CYLD: variants seen among roughly 807,000 people sequenced by gnomAD.
CYLD encodes the protein ubiquitin carboxyl-terminal hydrolase CYLD.
A neutral mutation model predicts 104.5 loss-of-function variants in CYLD; 26 were observed. That is an observed-to-expected ratio of 0.25 (90% CI 0.18 to 0.35). The LOEUF (loss-of-function observed/expected upper bound fraction) is 0.35, where lower values mean the gene tolerates loss of function less well. Among genes scored for constraint, CYLD ranks in the 10% least tolerant of loss-of-function variants. The pLI is 1.00. For missense variants in CYLD, 703 were observed against 1,136.1 expected, an observed-to-expected ratio of 0.62 and a Z score of 5.48; for synonymous variants, 385 against 399.9, an observed-to-expected ratio of 0.96 and a Z score of 0.45.
intron 5 of CYLD, among the ~76,000 whole-genome samples, chr16:50,758,917 T>A (rs1181314948): frequency 6.6e-6 from 1 of 152,178 alleles, no homozygotes; most frequent in Non-Finnish European, 1.5e-5. Flanking sequence ...TCCTTAAAAA[T>A]GGGCAATGTG....
chr16:50,742,468 T>G, intron 1 of CYLD: 1 of 259,564 alleles, frequency 3.9e-6, no homozygotes. Flanking sequence ...CCGGGGAGCG[T>G]GCGGGGTCGC....
At position 50,800,652 on chromosome 16, in the gene CYLD, G is replaced by GA. The variant is rs1486070672; in HGVS notation, c.*4151dup. ...AACAAAATTCTAAGGCAAAGTTAAAGAAAAAAATTACATTATTTCTTACCA... is the reference window on the plus strand; with the variant it reads ...AACAAAATTCTAAGGCAAAGTTAAAGAAAAAAAATTACATTATTTCTTACCA... On this transcript the variant is annotated 3_prime_UTR_variant, in exon 19 of 19. Transcript: ENST00000427738. 5 of 232,328 alleles carry GA rather than the reference G, an allele frequency of 2.2e-5. No individual in the cohort carries two copies. Among genetic ancestry groups the GA allele is most frequent in the East Asian group, 1.2e-4 (2 of 16,482 alleles). 14.4% of individuals were successfully genotyped at this position (232,328 alleles called of 1,614,324 possible).
At chr16:50,760,430 C>T (rs1176384410) in intron 5 of CYLD, among the ~76,000 whole-genome samples, 1 of 152,100 alleles carries the variant, frequency 6.6e-6, no homozygotes, top group Non-Finnish European at 1.5e-5. Context: ...CTGCTTACTC[C>T]ATCCTTCGTT....
intron 3 of CYLD, among the ~76,000 whole-genome samples, chr16:50,750,946 A>G (rs1189733536): frequency 2.0e-5 from 3 of 152,236 alleles, no homozygotes; most frequent in African/African-American, 7.2e-5. Flanking sequence ...AGGAGACCCA[A>G]GAATGCTGTG....
intron 2 of CYLD, 154 bp from the exon 3 acceptor site, chr16:50,749,422 A>G (rs1042480113): frequency 1.6e-5 from 9 of 548,174 alleles, no homozygotes; most frequent in Non-Finnish European, 2.9e-5. Flanking sequence ...GCCCTTTTAG[A>G]TATTTTTTGA....
Position 50,751,753 on chromosome 16 carries a change from T to G in CYLD, c.654T>G (p.Gly218=). 6.2e-7 allele frequency: 1 copy of G among 1,613,708 alleles called. No homozygotes were observed. Among genetic ancestry groups the G allele is most frequent in the Non-Finnish European group, 8.5e-7 (1 of 1,179,816 alleles). The change falls in exon 4 of 19, where the codon GGT becomes GGG. Residue 218 remains glycine (G), a synonymous_variant. Coordinates refer to ENST00000427738, the MANE Select transcript of CYLD (RefSeq NM_001378743.1). ...CTGCATTGGAAAGTGATTACGCAGG[T>G]CCTGGGGACACAATGCAGGTCGAAC... ...DDTALESDYA[G]PGDTMQVELP... is the part of the protein sequence containing the mutation.
intron 2 of CYLD, 65 bp downstream of exon 2, chr16:50,742,906 CGGGG>C: frequency 4.1e-5 from 5 of 122,800 alleles, no homozygotes; most frequent in East Asian, 2.6e-4. Flanking sequence ...GAATGGGGGG[CGGGG>C]GCGAAGTCAT....
At chr16:50,758,120 CAGTG>C (rs769851860) in intron 5 of CYLD, among the ~76,000 whole-genome samples, 2 of 152,074 alleles carry the variant, frequency 1.3e-5, no homozygotes, top group Non-Finnish European at 2.9e-5. Flanking sequence ...ATGATAAACA[CAGTG>C]AGGAGGAAGG....
At chr16:50,795,886 C>T (rs998084091) in intron 18 of CYLD, among the ~76,000 whole-genome samples, 5 of 152,138 alleles carry the variant, frequency 3.3e-5, no homozygotes, top group Admixed American at 1.3e-4. Context: ...ATTAGAGTTG[C>T]GTAAGGATGT....
At chr16:50,742,522 C>G (rs995336564) in intron 1 of CYLD, 1 of 334,250 alleles carries the variant, frequency 3.0e-6, no homozygotes, top group African/African-American at 2.1e-5. Context: ...GGGCGGGAGC[C>G]GCGCGGGACG....
At chr16:50,765,401 G>A (rs1242483559) in intron 5 of CYLD, among the ~76,000 whole-genome samples, 2 of 152,160 alleles carry the variant, frequency 1.3e-5, no homozygotes, top group African/African-American at 4.8e-5. Flanking sequence ...AATGTTGTGT[G>A]TATTCTGACT....
chr16:50,772,955 A>G lies in CYLD; in HGVS notation c.914-2211A>G, dbSNP rs138409563. Among the ~76,000 whole-genome samples the G allele has an allele frequency of 5.9e-3, 902 of 152,342 alleles. 6 individuals carry two copies. The highest frequency in any genetic ancestry group is 9.5e-3 in the Admixed American group (145 of 15,302). ...TTTCTTGAAGAATTTTTCATATACT[A>G]TTATGGAAAATATTTATTCTGAGCA... is the stretch of plus-strand genomic sequence containing the variant. On this transcript the variant is annotated intron_variant, in intron 5 of 18. Transcript: ENST00000427738.
chr16:50,794,171 C>A lies in CYLD; in HGVS notation c.2470-41C>A. ...TTGAACTCCTGACCTCGTGATCCAC[C>A]AGCCTCGGCCTAATGACATTCTTTT... On this transcript the variant is annotated intron_variant, in intron 17 of 18. Transcript: ENST00000427738. The surrounding 1 kb of genome is among the most constrained non-coding windows in gnomAD (Gnocchi z 4.1). 1 of 1,565,502 alleles carries A rather than the reference C, an allele frequency of 6.4e-7. No homozygotes were observed. The highest frequency in any genetic ancestry group is 1.1e-5 in the South Asian group (1 of 90,010).
chr16:50,780,114 T>A, intron 9 of CYLD, 70 bp downstream of exon 9: 1 of 1,558,416 alleles, frequency 6.4e-7, no homozygotes, highest in African/African-American at 1.4e-5. Flanking sequence ...CGCCCTATTA[T>A]ATGCTTTTTG....
chr16:50,787,891 A>G (rs1323645657), intron 14 of CYLD, 39 bp downstream of exon 14: 2 of 1,189,632 alleles, frequency 1.7e-6, no homozygotes, highest in Admixed American at 1.9e-5. Context: ...GGAAAAATAG[A>G]CAATTCTCAT....
chr16:50,784,761 T>A (rs754730847), intron 12 of CYLD: 1 of 291,890 alleles, frequency 3.4e-6, no homozygotes, highest in Non-Finnish European at 6.6e-6. Flanking sequence ...AGGATTCTTA[T>A]CTTTTGAAAT....
intron 5 of CYLD, among the ~76,000 whole-genome samples, chr16:50,755,089 A>G: frequency 2.7e-5 from 1 of 37,122 alleles, no homozygotes; most frequent in South Asian, 6.5e-4. Context: ...ATACACACAT[A>G]TATACATACA....
At chr16:50,783,264 A>G (rs956966836) in intron 11 of CYLD, among the ~76,000 whole-genome samples, 1 of 152,090 alleles carries the variant, frequency 6.6e-6, no homozygotes, top group African/African-American at 2.4e-5. Context: ...AGCTCTGGAA[A>G]TTGAACCAAG....
intron 5 of CYLD, among the ~76,000 whole-genome samples, chr16:50,770,509 G>A (rs1042849008): frequency 2.0e-5 from 3 of 149,364 alleles, no homozygotes; most frequent in African/African-American, 7.4e-5. Flanking sequence ...GGAGTATAGT[G>A]GCGTGATCTC....
Sources: allele counts gnomAD v4.1 joint callset (sites outside exome capture counted in the v4.1 genomes callset), GRCh38; gene constraint gnomAD v4.1.1; non-coding constraint Gnocchi (gnomAD v3.1); transcripts MANE v1.5; gene names NCBI Gene and HGNC (gene_info 2026-07-23, HGNC 2026-07-21).